The following SNX29 variants were observed in gnomAD, a reference collection of about 807,000 sequenced individuals.
The protein encoded by SNX29 is sorting nexin-29.
SNX29 carries 78 observed loss-of-function variants against 102.1 expected under a neutral mutation model. The observed-to-expected ratio is 0.76, with a 90% confidence interval of 0.64 to 0.92. The LOEUF (loss-of-function observed/expected upper bound fraction) is 0.92, where lower values mean the gene tolerates loss of function less well. SNX29 is among the 40% of genes least tolerant of loss of function. The pLI, the probability that SNX29 is intolerant of heterozygous loss-of-function variation, is 0.00. For synonymous variants in SNX29, 580 were observed against 414.5 expected (o/e 1.40, Z -4.85); for missense variants, 1,280 against 1,061.7 (o/e 1.21, Z -2.86).
At chr16:12,436,981 C>T (rs773049155) in intron 18 of SNX29, among the ~76,000 whole-genome samples, 4 of 152,192 alleles carry the variant, frequency 2.6e-5, no homozygotes, top group East Asian at 1.9e-4. Flanking sequence ...CTTGAGGTAT[C>T]GCTAGGGTAT....
At chr16:12,292,136 G>A (rs1360968593) in intron 15 of SNX29, among the ~76,000 whole-genome samples, 1 of 152,150 alleles carries the variant, frequency 6.6e-6, no homozygotes, top group Non-Finnish European at 1.5e-5. Context: ...AGGTAGAATA[G>A]GACCTTGCCA....
In SNX29 at chr16:12,568,729, A is replaced by C. The variant is rs1075844; in HGVS notation, c.*100A>C. 360,974 of 1,492,596 alleles carry C rather than the reference A, an allele frequency of 0.24. 46,005 individuals are homozygous for C. Among genetic ancestry groups the C allele is most frequent in the East Asian group, 0.44 (18,380 of 41,908 alleles). The allele number at this position is 1,492,596 out of a possible 1,614,324, so 92.5% of individuals were successfully genotyped here. Reference sequence around the variant, plus strand: ...TCACCTCAGCGTGACAACCACGTCCACCTGGTGATCCTGAGAGCACACGAT... The same window carrying C: ...TCACCTCAGCGTGACAACCACGTCCCCCTGGTGATCCTGAGAGCACACGAT... On this transcript the variant is annotated 3_prime_UTR_variant, in exon 21 of 21. Coordinates refer to ENST00000566228, the MANE Select transcript of SNX29 (RefSeq NM_032167.5).
chr16:12,383,071 T>C (rs983243699), intron 16 of SNX29, among the ~76,000 whole-genome samples: 1 of 152,190 alleles, frequency 6.6e-6, no homozygotes, highest in Non-Finnish European at 1.5e-5. Flanking sequence ...ATTTAAAAAA[T>C]TTTTTAGAAG....
intron 14 of SNX29, among the ~76,000 whole-genome samples, chr16:12,210,001 C>T (rs538333711): frequency 2.0e-5 from 3 of 152,300 alleles, no homozygotes; most frequent in East Asian, 1.9e-4. Context: ...TCTGTGTGCA[C>T]GTGGAACCTT....
At chr16:12,000,494 G>A (rs1462716248) in intron 2 of SNX29, 1 of 151,946 alleles carries the variant, frequency 6.6e-6, no homozygotes, top group African/African-American at 2.4e-5. Flanking sequence ...CTATAGGGAG[G>A]TAAGTATTTT....
At position 12,042,878 on chromosome 16, in the gene SNX29, C is replaced by T. The variant is rs1290272281; in HGVS notation, c.248-19C>T. 6.3e-7 allele frequency: 1 copy of T among 1,592,408 alleles called. No homozygotes were observed. The highest frequency in any genetic ancestry group is 8.6e-7 in the Non-Finnish European group (1 of 1,165,582). ...GTGCCCCAGGCCGAGTGCCAGGCGCCTGTGCCCTCTCTCCGTAGAGCCCGT... is the reference window on the plus strand; with the variant it reads ...GTGCCCCAGGCCGAGTGCCAGGCGCTTGTGCCCTCTCTCCGTAGAGCCCGT... On this transcript the variant is annotated intron_variant, in intron 4 of 20. Coordinates refer to ENST00000566228, the MANE Select transcript of SNX29 (RefSeq NM_032167.5).
At chr16:12,201,502 C>G (rs941624517) in intron 14 of SNX29, among the ~76,000 whole-genome samples, 1 of 152,178 alleles carries the variant, frequency 6.6e-6, no homozygotes, top group Non-Finnish European at 1.5e-5. Flanking sequence ...GCTTAAGGGG[C>G]TGGTATATGT....
intron 19 of SNX29, among the ~76,000 whole-genome samples, chr16:12,497,375 C>T (rs1380024043): frequency 3.3e-5 from 5 of 152,200 alleles, no homozygotes; most frequent in African/African-American, 9.7e-5. Context: ...TTCACAGTCT[C>T]ATAGGGCCTC....
intron 1 of SNX29, among the ~76,000 whole-genome samples, chr16:11,980,436 C>G (rs2055389175): frequency 6.6e-6 from 1 of 152,152 alleles, no homozygotes; most frequent in African/African-American, 2.4e-5. Context: ...GTTGTTTCTA[C>G]TTTTTAGCTG....
chr16:12,564,449 C>T (rs774943058), intron 20 of SNX29, among the ~76,000 whole-genome samples: 1 of 152,144 alleles, frequency 6.6e-6, no homozygotes, highest in Non-Finnish European at 1.5e-5. Flanking sequence ...GATCAGAAAG[C>T]TGTGTTTTGG....
intron 18 of SNX29, among the ~76,000 whole-genome samples, chr16:12,419,141 T>G (rs1183245283): frequency 6.6e-6 from 1 of 152,086 alleles, no homozygotes. Flanking sequence ...GTAAGCATTG[T>G]TTAGTTCCGA....
chr16:12,286,384 T>G (rs973186683), intron 15 of SNX29, among the ~76,000 whole-genome samples: 1 of 150,858 alleles, frequency 6.6e-6, no homozygotes, highest in African/African-American at 2.4e-5. Context: ...TTTGCTGTAT[T>G]GCCCAGGCTG....
At chr16:12,315,889 T>G (rs561024322) in intron 15 of SNX29, among the ~76,000 whole-genome samples, 2 of 152,352 alleles carry the variant, frequency 1.3e-5, no homozygotes, top group East Asian at 3.9e-4. Flanking sequence ...GAGGCATCTC[T>G]TCTGGGTCAG....
intron 14 of SNX29, among the ~76,000 whole-genome samples, chr16:12,219,364 A>T (rs1256845835): frequency 6.6e-6 from 1 of 152,026 alleles, no homozygotes; most frequent in African/African-American, 2.4e-5. Context: ...ATATGTGTAT[A>T]TAGTCATTGA....
chr16:12,317,491 C>T (rs2080788103), intron 15 of SNX29, among the ~76,000 whole-genome samples: 1 of 152,186 alleles, frequency 6.6e-6, no homozygotes, highest in Non-Finnish European at 1.5e-5. Flanking sequence ...ACCTGGTGGC[C>T]CTTCCTGTGC....
chr16:12,499,657 C>T (rs1049506735), intron 19 of SNX29, among the ~76,000 whole-genome samples: 2 of 152,138 alleles, frequency 1.3e-5, no homozygotes, highest in Non-Finnish European at 2.9e-5. Context: ...AGTGAAACCC[C>T]ACAATCTGCA....
At chr16:11,997,436 G>C (rs1398607548) in intron 1 of SNX29, among the ~76,000 whole-genome samples, 1 of 151,620 alleles carries the variant, frequency 6.6e-6, no homozygotes. Context: ...TGTCTTCCTA[G>C]TGTGACTCTC....
rs116327082 is a variant in SNX29, at chr16:12,347,280, G to A, written c.1783-8883G>A. On this transcript the variant is annotated intron_variant, in intron 15 of 20. Coordinates refer to ENST00000566228, the MANE Select transcript of SNX29 (RefSeq NM_032167.5). The stretch of plus-strand genomic sequence containing the variant: ...CAGGTCTCAGTTGAATTTATTACAT[G>A]GTGGCTTTATGGTGCGGCATTGAGG... 1.6e-3 allele frequency among the ~76,000 whole-genome samples: 244 copies of A among 152,184 alleles called. 1 individual carries two copies. The highest frequency in any genetic ancestry group is 5.7e-3 in the African/African-American group (238 of 41,512).
intron 20 of SNX29, among the ~76,000 whole-genome samples, chr16:12,549,571 C>T (rs866812331): frequency 3.3e-5 from 5 of 152,192 alleles, no homozygotes; most frequent in African/African-American, 9.6e-5. Context: ...CACCCTGGGA[C>T]CCCAGCCCTA....
Sources: gnomAD v4.1 joint callset for allele counts (sites outside exome capture counted in the v4.1 genomes callset) on GRCh38, gnomAD v4.1.1 for gene constraint, MANE v1.5 for transcripts, NCBI Gene and HGNC (gene_info 2026-07-23, HGNC 2026-07-21) for gene names.